ESRRB: variants seen among roughly 807,000 people sequenced by gnomAD.
ESRRB encodes estrogen related receptor beta.
A neutral mutation model predicts 46.0 loss-of-function variants in ESRRB; 16 were observed. The observed-to-expected ratio is 0.35, with a 90% confidence interval of 0.24 to 0.53. ESRRB has a LOEUF of 0.53. ESRRB is among the 20% of genes least tolerant of loss of function. ESRRB has a pLI of 0.93. For missense variants in ESRRB, 488 were observed against 607.4 expected, an observed-to-expected ratio of 0.80 and a Z score of 2.07; for synonymous variants, 246 against 259.6, an observed-to-expected ratio of 0.95 and a Z score of 0.50.
upstream of ESRRB, among the ~76,000 whole-genome samples, chr14:76,371,923 A>G (rs1322354673): frequency 2.6e-5 from 4 of 152,148 alleles, no homozygotes; most frequent in African/African-American, 9.7e-5. Flanking sequence ...TTGAGGACCT[A>G]AGAGACACTG....
intron 1 of ESRRB, among the ~76,000 whole-genome samples, chr14:76,328,448 C>T (rs183665331): frequency 1.3e-4 from 20 of 152,308 alleles, no homozygotes; most frequent in African/African-American, 4.8e-4. Flanking sequence ...CCAATCCACA[C>T]ACAAGTGCCG....
intron 2 of ESRRB, among the ~76,000 whole-genome samples, chr14:76,452,327 C>T (rs570689734): frequency 3.9e-4 from 59 of 152,068 alleles, no homozygotes; most frequent in Non-Finnish European, 6.8e-4. Flanking sequence ...GCTTGAGGAA[C>T]TTTCAAAAGT....
At chr14:76,484,492 A>T (rs1413499912) in intron 5 of ESRRB, among the ~76,000 whole-genome samples, 1 of 152,168 alleles carries the variant, frequency 6.6e-6, no homozygotes, top group Non-Finnish European at 1.5e-5. Context: ...AATTGGGTAC[A>T]GGTACCCCTG....
intron 1 of ESRRB, among the ~76,000 whole-genome samples, chr14:76,344,397 T>C (rs1884224611): frequency 6.6e-6 from 1 of 152,148 alleles, no homozygotes; most frequent in African/African-American, 2.4e-5. Flanking sequence ...TGCACCATAT[T>C]TGTTGTCTTT....
Position 76,471,975 on chromosome 14 carries a change from G to A in ESRRB, c.577+9314G>A, listed in dbSNP as rs143753176. ...TAAGAAATGGAAGGCAGGGGCACAG[G>A]TGATAAGTCTTTGCCATGCCTGATC... is the stretch of plus-strand genomic sequence containing the variant. On this transcript the variant is annotated intron_variant, in intron 3 of 6. Coordinates refer to ENST00000644823, the MANE Select transcript of ESRRB (RefSeq NM_001379180.1). Among the ~76,000 whole-genome samples the A allele has an allele frequency of 1.2e-3, 189 of 152,342 alleles. 1 individual carries two copies. Among genetic ancestry groups the A allele is most frequent in the Middle Eastern group, 3.4e-3 (1 of 294 alleles).
At chr14:76,429,228 C>T (rs867882897) in intron 1 of ESRRB, among the ~76,000 whole-genome samples, 2 of 152,106 alleles carry the variant, frequency 1.3e-5, no homozygotes, top group South Asian at 2.1e-4. Flanking sequence ...AGCAGCCTGG[C>T]ATTCTAGTTA....
chr14:76,313,356 C>T (rs954989977), intron 1 of ESRRB, among the ~76,000 whole-genome samples: 1 of 151,864 alleles, frequency 6.6e-6, no homozygotes, highest in Non-Finnish European at 1.5e-5. Flanking sequence ...CAATTGGTCA[C>T]GGGGCTGTCT....
At chr14:76,317,336 G>A (rs1221606920) in intron 1 of ESRRB, among the ~76,000 whole-genome samples, 1 of 151,424 alleles carries the variant, frequency 6.6e-6, no homozygotes, top group Non-Finnish European at 1.5e-5. Context: ...GTGTGTGTGT[G>A]TGTGTGTGTG....
At chr14:76,445,831 G>A (rs894576437) in intron 2 of ESRRB, among the ~76,000 whole-genome samples, 7 of 151,980 alleles carry the variant, frequency 4.6e-5, no homozygotes, top group East Asian at 1.9e-4. Context: ...GATTACAGGC[G>A]TGTACCACCA....
intron 2 of ESRRB, among the ~76,000 whole-genome samples, chr14:76,453,597 C>CTTTTTT (rs796736002): frequency 2.2e-5 from 3 of 134,318 alleles, no homozygotes; most frequent in African/African-American, 8.5e-5. Flanking sequence ...AAAAAAAGCT[C>CTTTTTT]TTTTTTTTTT....
intron 1 of ESRRB, among the ~76,000 whole-genome samples, chr14:76,349,694 G>A (rs959701342): frequency 5.9e-5 from 9 of 152,164 alleles, no homozygotes; most frequent in African/African-American, 1.4e-4. Context: ...CCACTAGAAC[G>A]TAAATTCCGT....
chr14:76,310,978 TTCTCTCTCTCTCTCTCTCTCTC>T (rs68079657), intron 1 of ESRRB: 7 of 362,688 alleles, frequency 1.9e-5, no homozygotes, highest in Admixed American at 1.9e-4. Context: ...TCTGTCCCCT[TTCTCTCTCTCTCTCTCTCTCTC>T]TCTCTCTCTC....
chr14:76,348,424 C>A (rs1884274682), intron 1 of ESRRB, among the ~76,000 whole-genome samples: 1 of 152,152 alleles, frequency 6.6e-6, no homozygotes, highest in African/African-American at 2.4e-5. Flanking sequence ...AGTATTCTTT[C>A]CTTGTGTCTA....
chr14:76,477,801 T>C (rs950239420), intron 3 of ESRRB, among the ~76,000 whole-genome samples: 1 of 152,162 alleles, frequency 6.6e-6, no homozygotes, highest in Non-Finnish European at 1.5e-5. Context: ...CATTGACCAC[T>C]ATGCTGTAAA....
intron 3 of ESRRB, among the ~76,000 whole-genome samples, chr14:76,476,130 GA>G (rs1322869850): frequency 6.6e-6 from 1 of 151,920 alleles, no homozygotes; most frequent in Non-Finnish European, 1.5e-5. Context: ...AGGCTGGAGT[GA>G]AATGGTGTGA....
At chr14:76,395,179 T>C (rs185354582) in intron 1 of ESRRB, among the ~76,000 whole-genome samples, 1 of 152,320 alleles carries the variant, frequency 6.6e-6, no homozygotes, top group East Asian at 1.9e-4. Flanking sequence ...ATGTGCACTA[T>C]CTGGCTCATG....
intron 1 of ESRRB, among the ~76,000 whole-genome samples, chr14:76,438,842 C>A (rs901590211): frequency 2.0e-5 from 3 of 152,034 alleles, no homozygotes; most frequent in African/African-American, 7.2e-5. Flanking sequence ...GCTCTACCAC[C>A]CATGCTGGAA....
In ESRRB at chr14:76,469,650, CAG is replaced by C. The variant is rs1418120944; in HGVS notation, c.577+6990_577+6991del. 2.0e-5 allele frequency among the ~76,000 whole-genome samples: 3 copies of C among 152,108 alleles called. No homozygotes were observed. In the East Asian group the frequency reaches 5.8e-4, roughly 29 times the overall value. On this transcript the variant is annotated intron_variant, in intron 3 of 6. Coordinates refer to ENST00000644823, the MANE Select transcript of ESRRB (RefSeq NM_001379180.1). ...TTAGCCCCTCAAAATGCTGGGATGACAGGGGTGGGTCACCACGCCCAGCCAAA... is the reference window on the plus strand; with the variant it reads ...TTAGCCCCTCAAAATGCTGGGATGACGGGTGGGTCACCACGCCCAGCCAAA...
chr14:76,494,616 G>T (rs1297089195), intron 6 of ESRRB, among the ~76,000 whole-genome samples: 2 of 152,070 alleles, frequency 1.3e-5, no homozygotes, highest in Non-Finnish European at 2.9e-5. Flanking sequence ...CGACTGTGTT[G>T]TATTGTTCTA....
Sources: allele counts gnomAD v4.1 joint callset (sites outside exome capture counted in the v4.1 genomes callset), GRCh38; gene constraint gnomAD v4.1.1; transcripts MANE v1.5; gene names NCBI Gene and HGNC (gene_info 2026-07-23, HGNC 2026-07-21).